Variants in ST8SIA1 observed in about 807,000 individuals in gnomAD.
The protein encoded by ST8SIA1 is alpha-N-acetylneuraminide alpha-2,8-sialyltransferase.
Under a neutral mutation model 35.9 loss-of-function variants are expected in ST8SIA1, and 16 were observed. That is an observed-to-expected ratio of 0.45 (90% CI 0.30 to 0.68). The LOEUF (loss-of-function observed/expected upper bound fraction) is 0.68. Ranked by LOEUF, ST8SIA1 falls within the 30% of genes least tolerant of loss-of-function variation. ST8SIA1 has a pLI of 0.09. For missense variants in ST8SIA1, 383 were observed against 453.6 expected, an observed-to-expected ratio of 0.84 and a Z score of 1.41; for synonymous variants, 170 against 169.6, an observed-to-expected ratio of 1.00 and a Z score of -0.02.
chr12:22,209,088 T>C (rs74068724), intron 4 of ST8SIA1, among the ~76,000 whole-genome samples: 34,961 of 151,998 alleles, frequency 0.23, 4,353 homozygotes, highest in South Asian at 0.35. Flanking sequence ...GCAAAATCCA[T>C]AAAAAATTGT....
rs2193175 is a variant in ST8SIA1 at position 22,217,276 on chromosome 12, G to C, written c.585-15238C>G. On this transcript the variant is annotated intron_variant, in intron 4 of 4. Coordinates refer to ENST00000396037, the MANE Select transcript of ST8SIA1 (RefSeq NM_003034.4). ...TTTAAGTTTCTTTATATGAAATTAA[G>C]GCCATACTAAACTTTAAAAACAGAT... Among the ~76,000 whole-genome samples, 47 of 152,170 alleles carry C rather than the reference G, an allele frequency of 3.1e-4. 1 individual carries two copies. In the East Asian group the frequency reaches 7.1e-3, roughly 23 times the overall value.
rs568348498 is a variant in ST8SIA1 at position 22,266,256 on chromosome 12, A to G, written c.382-10867T>C. Among the ~76,000 whole-genome samples the G allele has an allele frequency of 3.3e-5, 5 of 151,630 alleles. No homozygotes were observed. The East Asian group carries it at 9.7e-4, about 30-fold the overall frequency. ...ATTCCCTACAAGTGCAAGGAATGCT[A>G]AAAAAAACTCAAGCAGACAAGAGGC... On this transcript the variant is annotated intron_variant, in intron 2 of 4. Transcript: ENST00000396037.
At chr12:22,236,642 C>T (rs1474581858) in intron 4 of ST8SIA1, among the ~76,000 whole-genome samples, 1 of 152,198 alleles carries the variant, frequency 6.6e-6, no homozygotes, top group African/African-American at 2.4e-5. Flanking sequence ...CCTAATGTTT[C>T]TCCACTGGGT....
intron 2 of ST8SIA1, among the ~76,000 whole-genome samples, chr12:22,270,990 A>G (rs893463022): frequency 2.0e-5 from 3 of 152,182 alleles, no homozygotes; most frequent in African/African-American, 7.2e-5. Context: ...CCATACTTGC[A>G]CCTACCATGT....
chr12:22,234,554 A>G (rs1243001035), intron 4 of ST8SIA1, among the ~76,000 whole-genome samples: 2 of 152,154 alleles, frequency 1.3e-5, no homozygotes, highest in African/African-American at 4.8e-5. Flanking sequence ...AATTGCTTCC[A>G]TTATTTCTCT....
In ST8SIA1 at chr12:22,255,406, A is replaced by C. The variant is rs1460906849; in HGVS notation, c.382-17T>G. 1 of 1,608,084 alleles carries C rather than the reference A, an allele frequency of 6.2e-7. No homozygotes were observed. On this transcript the variant is annotated splice_polypyrimidine_tract_variant and intron_variant, in intron 2 of 4. Coordinates refer to ENST00000396037, the MANE Select transcript of ST8SIA1 (RefSeq NM_003034.4). Reference sequence around the variant, plus strand: ...TGGGGTTGCCTAGCAACAGAAAACAAGGCGGGTTTTCACTGCAAAGAACAC... The same window carrying C: ...TGGGGTTGCCTAGCAACAGAAAACACGGCGGGTTTTCACTGCAAAGAACAC...
chr12:22,248,537 A>T (rs1408142812), intron 4 of ST8SIA1, among the ~76,000 whole-genome samples: 1 of 152,208 alleles, frequency 6.6e-6, no homozygotes. Flanking sequence ...AATGTAATAC[A>T]GTATACTATA....
intron 4 of ST8SIA1, among the ~76,000 whole-genome samples, chr12:22,230,363 G>A (rs1011874095): frequency 1.3e-5 from 2 of 152,072 alleles, no homozygotes; most frequent in Non-Finnish European, 2.9e-5. Flanking sequence ...CCTCTCTGGG[G>A]CTCTGTAATA....
intron 1 of ST8SIA1, among the ~76,000 whole-genome samples, chr12:22,320,950 AAAGAAAG>A (rs1238121573): frequency 1.3e-5 from 1 of 77,360 alleles, no homozygotes; most frequent in Non-Finnish European, 2.6e-5. Flanking sequence ...AGAAAGAAAG[AAAGAAAG>A]AGAAAGAAAG....
At chr12:22,222,006 T>C (rs940502640) in intron 4 of ST8SIA1, among the ~76,000 whole-genome samples, 5 of 152,174 alleles carry the variant, frequency 3.3e-5, no homozygotes, top group African/African-American at 1.2e-4. Flanking sequence ...CACAATACAG[T>C]GAACTTTGGA....
chr12:22,247,245 C>A (rs1340582120), intron 4 of ST8SIA1, among the ~76,000 whole-genome samples: 2 of 152,060 alleles, frequency 1.3e-5, no homozygotes, highest in Non-Finnish European at 2.9e-5. Context: ...AAAACAGAAT[C>A]TTCTGGTCCT....
In ST8SIA1 at chr12:22,199,102, C is replaced by T. The variant is rs1334175422; in HGVS notation, c.*2450G>A. On this transcript the variant is annotated 3_prime_UTR_variant, in exon 5 of 5. Coordinates refer to ENST00000396037, the MANE Select transcript of ST8SIA1 (RefSeq NM_003034.4). ...TATAAATCTACTGCATAAATCTATCCCAGGCATCATAAAAAGATGAAAAAT... is the reference window on the plus strand; with the variant it reads ...TATAAATCTACTGCATAAATCTATCTCAGGCATCATAAAAAGATGAAAAAT... The T allele has an allele frequency of 6.6e-6, 1 of 151,980 alleles. No homozygotes were observed. The highest frequency in any genetic ancestry group is 2.4e-5 in the African/African-American group (1 of 41,376). 9.4% of individuals were successfully genotyped at this position (151,980 alleles called of 1,614,324 possible).
chr12:22,330,248 G>A (rs1866744181), intron 1 of ST8SIA1, among the ~76,000 whole-genome samples: 1 of 152,132 alleles, frequency 6.6e-6, no homozygotes, highest in African/African-American at 2.4e-5. Context: ...TAAATGTCAT[G>A]TTCTGGGAAC....
chr12:22,304,727 C>T (rs1016791772), intron 1 of ST8SIA1, among the ~76,000 whole-genome samples: 1 of 152,208 alleles, frequency 6.6e-6, no homozygotes. Flanking sequence ...ACTGTAAAAG[C>T]ATCACATGGT....
intron 4 of ST8SIA1, among the ~76,000 whole-genome samples, chr12:22,247,480 CTT>C (rs147214962): frequency 0.057 from 8,703 of 152,000 alleles, 852 homozygotes; most frequent in African/African-American, 0.2. Context: ...TAAGTGTTCT[CTT>C]ATTTCTTCTT....
intron 2 of ST8SIA1, among the ~76,000 whole-genome samples, chr12:22,272,320 G>A (rs767600684): frequency 3.3e-5 from 5 of 152,180 alleles, no homozygotes; most frequent in Non-Finnish European, 5.9e-5. Context: ...CTTAATGTAT[G>A]TCCTTTACTA....
Position 22,286,763 on chromosome 12 carries a change from C to T in ST8SIA1, c.381+386G>A, listed in dbSNP as rs565699940. Among the ~76,000 whole-genome samples, 87 of 152,216 alleles carry T rather than the reference C, an allele frequency of 5.7e-4. 1 individual carries two copies. The highest frequency in any genetic ancestry group is 1.1e-3 in the Non-Finnish European group (74 of 68,000). ...GAGCTCTAAGAAGCAAACTTCTCACCATATGGTCCCCACTCCCTGAGCAAC... is the reference window on the plus strand; with the variant it reads ...GAGCTCTAAGAAGCAAACTTCTCACTATATGGTCCCCACTCCCTGAGCAAC... On this transcript the variant is annotated intron_variant, in intron 2 of 4. Coordinates refer to ENST00000396037, the MANE Select transcript of ST8SIA1 (RefSeq NM_003034.4).
At chr12:22,324,317 A>G (rs1355931590) in intron 1 of ST8SIA1, 1 of 152,228 alleles carries the variant, frequency 6.6e-6, no homozygotes, top group African/African-American at 2.4e-5. Context: ...CAAACTAAAA[A>G]GTGTGAAAAG....
At chr12:22,239,935 T>C (rs919757288) in intron 4 of ST8SIA1, among the ~76,000 whole-genome samples, 14 of 152,144 alleles carry the variant, frequency 9.2e-5, no homozygotes, top group African/African-American at 2.9e-4. Flanking sequence ...ATTCACACCA[T>C]TTGGTCTGGT....
Sources: allele counts gnomAD v4.1 joint callset (sites outside exome capture counted in the v4.1 genomes callset), GRCh38; gene constraint gnomAD v4.1.1; transcripts MANE v1.5; gene names NCBI Gene and HGNC (gene_info 2026-07-23, HGNC 2026-07-21).